The following ADA2 variants were observed in gnomAD, a reference collection of about 807,000 sequenced individuals.
ADA2 encodes the protein adenosine deaminase 2.
In ADA2, 29 loss-of-function variants were observed where a neutral mutation model predicts 44.2. That is an observed-to-expected ratio of 0.66 (90% CI 0.49 to 0.89). The LOEUF (loss-of-function observed/expected upper bound fraction) is 0.89, where lower values mean the gene tolerates loss of function less well. ADA2 is among the 40% of genes least tolerant of loss of function. The pLI is 0.00. For synonymous variants in ADA2, 215 were observed against 234.9 expected, an observed-to-expected ratio of 0.92 and a Z score of 0.77; for missense variants, 637 against 644.8, an observed-to-expected ratio of 0.99 and a Z score of 0.13.
chr22:17,208,392 C>G (rs1261034859), intron 2 of ADA2, among the ~76,000 whole-genome samples: 1 of 147,374 alleles, frequency 6.8e-6, no homozygotes, highest in Non-Finnish European at 1.5e-5. Context: ...CCACCGCACT[C>G]CAGCCTGGGC....
chr22:17,181,750 C>T (rs2061971041), intron 9 of ADA2, 70 bp downstream of exon 9: 3 of 1,383,172 alleles, frequency 2.2e-6, no homozygotes, highest in Admixed American at 1.7e-5. Context: ...TGCCTCAAGC[C>T]TCCAGAGAGG....
upstream of ADA2, chr22:17,221,813 C>T (rs904230079): frequency 3.9e-5 from 6 of 152,186 alleles, no homozygotes; most frequent in Non-Finnish European, 7.3e-5. Flanking sequence ...AGGGGCACCT[C>T]ATTCAGAAGG....
chr22:17,216,053 G>A (rs1157157805), intron 1 of ADA2, among the ~76,000 whole-genome samples: 4 of 151,842 alleles, frequency 2.6e-5, no homozygotes, highest in East Asian at 1.9e-4. Flanking sequence ...CAGGCGTGGT[G>A]GCGTGCACCT....
intron 7 of ADA2, among the ~76,000 whole-genome samples, chr22:17,185,648 C>A (rs2062027778): frequency 6.6e-6 from 1 of 152,092 alleles, no homozygotes; most frequent in African/African-American, 2.4e-5. Flanking sequence ...CCTCGCCCAA[C>A]CCCCTCCCCC....
At chr22:17,213,929 C>G in intron 1 of ADA2, 1 of 322,058 alleles carries the variant, frequency 3.1e-6, no homozygotes, top group East Asian at 9.1e-5. Context: ...ATTCCAGCTA[C>G]TCAGGAGGCT....
chr22:17,184,983 AATATATAT>A (rs374170344), intron 7 of ADA2, among the ~76,000 whole-genome samples: 815 of 78,746 alleles, frequency 0.01, 93 homozygotes, highest in African/African-American at 0.042. Flanking sequence ...CCCATGTCAA[AATATATAT>A]ATATATATAT....
intron 5 of ADA2, among the ~76,000 whole-genome samples, chr22:17,190,657 T>C (rs1320260184): frequency 6.6e-6 from 1 of 152,164 alleles, no homozygotes; most frequent in Non-Finnish European, 1.5e-5. Flanking sequence ...CTCGGCTCTG[T>C]GGGGATAAAG....
chr22:17,181,675 C>G (rs1369092006), intron 9 of ADA2, 99 bp from the exon 10 acceptor site: 2 of 1,091,420 alleles, frequency 1.8e-6, no homozygotes, highest in Non-Finnish European at 1.4e-6. Context: ...AGCACTCTCC[C>G]CAGGCCAGCA....
At chr22:17,210,676 C>T (rs1309073773) in intron 1 of ADA2, among the ~76,000 whole-genome samples, 10 of 152,054 alleles carry the variant, frequency 6.6e-5, no homozygotes, top group Non-Finnish European at 1.2e-4. Context: ...TGGCCCTCTA[C>T]AACCTCCGCC....
chr22:17,183,162 C>T (rs555966126), intron 7 of ADA2, among the ~76,000 whole-genome samples: 1 of 152,274 alleles, frequency 6.6e-6, no homozygotes, highest in South Asian at 2.1e-4. Context: ...CAGCTCACTG[C>T]AACCTCCACC....
chr22:17,181,582 G>A lies in ADA2; in HGVS notation c.1443-6C>T. 1 of 1,591,454 alleles carries A rather than the reference G, an allele frequency of 6.3e-7. No individual in the cohort carries two copies. The highest frequency in any genetic ancestry group is 8.6e-7 in the Non-Finnish European group (1 of 1,159,990). On this transcript the variant is annotated splice_region_variant and splice_polypyrimidine_tract_variant and intron_variant, in intron 9 of 9. Transcript: ENST00000399837. ...TCTCCAACAGGGTACTGTACCTGCA[G>A]GAAGAGGAGGAGCCCAGGTCAGCCT...
Position 17,191,708 on chromosome 22 carries a change from T to C in ADA2, c.856A>G (p.Ile286Val), listed in dbSNP as rs755614060. Residue 286 changes from isoleucine (I) to valine (V), a missense_variant, in exon 5 of 10, where the codon ATC becomes GTC. Coordinates refer to ENST00000399837, the MANE Select transcript of ADA2 (RefSeq NM_001282225.2). ...CTGTGATCCGAATAAATGATTTTGATTCCAATAAACTCAGGGTGAGTTTCC... is the reference window on the plus strand; with the variant it reads ...CTGTGATCCGAATAAATGATTTTGACTCCAATAAACTCAGGGTGAGTTTCC... ...FVETHPEFIG[I>V]KIIYSDHRSK... The C allele has an allele frequency of 3.7e-6, 6 of 1,614,110 alleles. No individual in the cohort carries two copies. Among genetic ancestry groups the C allele is most frequent in the Non-Finnish European group, 5.1e-6 (6 of 1,180,016 alleles).
rs869276201 is a variant in ADA2 at position 17,216,758 on chromosome 22, C to CA, written c.-47+2597dup. Among the ~76,000 whole-genome samples, 204 of 139,292 alleles carry CA rather than the reference C, an allele frequency of 1.5e-3. 2 individuals carry two copies. Among genetic ancestry groups the CA allele is most frequent in the African/African-American group, 1.2e-3 (44 of 37,256 alleles). The allele number at this position is 139,292 out of a possible 152,430, so 91.4% of individuals were successfully genotyped here. The stretch of plus-strand genomic sequence containing the variant: ...CCGGCAACAGAGCAAGACTCCACCT[C>CA]AAAAAAAAAAAAAACACACACACAC... On this transcript the variant is annotated intron_variant, in intron 1 of 9. Transcript: ENST00000399837.
intron 4 of ADA2, among the ~76,000 whole-genome samples, chr22:17,200,574 C>T (rs570819066): frequency 2.0e-5 from 3 of 152,078 alleles, no homozygotes; most frequent in East Asian, 1.9e-4. Flanking sequence ...CCAGCCTTGC[C>T]GCTAAACTCA....
intron 5 of ADA2, among the ~76,000 whole-genome samples, chr22:17,190,841 G>A (rs542183902): frequency 6.6e-6 from 1 of 152,336 alleles, no homozygotes; most frequent in South Asian, 2.1e-4. Context: ...CCCTCCTAGG[G>A]GGACCGGCAC....
chr22:17,200,882 C>CAA lies in ADA2; in HGVS notation c.753+2679_753+2680dup, dbSNP rs3078427. ...GGGCAACAAGAGCGAAACTCTGCCT[C>CAA]AAAAAAAAAAAAAACATATCTAAGG... On this transcript the variant is annotated intron_variant, in intron 4 of 9. Coordinates refer to ENST00000399837, the MANE Select transcript of ADA2 (RefSeq NM_001282225.2). Among the ~76,000 whole-genome samples, 510 of 119,248 alleles carry CAA rather than the reference C, an allele frequency of 4.3e-3. 9 individuals carry two copies. Among genetic ancestry groups the CAA allele is most frequent in the African/African-American group, 0.013 (432 of 32,750 alleles). The allele number at this position is 119,248 out of a possible 152,430, so 78.2% of individuals were successfully genotyped here.
rs746332176 is a variant in ADA2 at position 17,182,666 on chromosome 22, C to T, written c.1177G>A (p.Ala393Thr). The T allele has an allele frequency of 8.7e-6, 14 of 1,614,072 alleles. No individual in the cohort carries two copies. Among genetic ancestry groups the T allele is most frequent in the African/African-American group, 1.3e-5 (1 of 75,002 alleles). The change falls in exon 8 of 10, where the codon GCA becomes ACA. Residue 393 changes from alanine to threonine, a missense_variant. Transcript: ENST00000399837. Reference protein sequence around the residue: ...GHGFALSKHPAVRTYSWKKDI... With the variant: ...GHGFALSKHPTVRTYSWKKDI... ...TTTTTCCAGGAGTAAGTCCTGACTG[C>T]GGGGTGTTTGCTCAAAGCAAATCCA...
At chr22:17,221,171 T>A (rs548678576), upstream of ADA2, among the ~76,000 whole-genome samples, 1 of 151,674 alleles carries the variant, frequency 6.6e-6, no homozygotes, top group South Asian at 2.1e-4. Context: ...TTAACACTAA[T>A]TTTTTGAAAG....
Position 17,182,598 on chromosome 22 carries a change from A to AC in ADA2, c.1239+5dup, listed in dbSNP as rs770560241. 3.1e-6 allele frequency: 5 copies of AC among 1,614,004 alleles called. No individual in the cohort carries two copies. The highest frequency in any genetic ancestry group is 4.2e-6 in the Non-Finnish European group (5 of 1,179,994). ...ATATGGGATTAGCCACATGGGTCAC[A>AC]CATACCTGGTTAGAGATGGGACAGA... On this transcript the variant is annotated splice_donor_region_variant and intron_variant, in intron 8 of 9. Coordinates refer to ENST00000399837, the MANE Select transcript of ADA2 (RefSeq NM_001282225.2).
Sources: allele counts gnomAD v4.1 joint callset (sites outside exome capture counted in the v4.1 genomes callset), GRCh38; gene constraint gnomAD v4.1.1; transcripts MANE v1.5; gene names NCBI Gene and HGNC (gene_info 2026-07-23, HGNC 2026-07-21).